The following TMEM135 variants were observed in gnomAD, a reference collection of about 807,000 sequenced individuals.
The protein encoded by TMEM135 is transmembrane protein 135.
Under a neutral mutation model 60.3 loss-of-function variants are expected in TMEM135, and 30 were observed. That is an observed-to-expected ratio of 0.50 (90% CI 0.37 to 0.68). The LOEUF is 0.68. Ranked by LOEUF, TMEM135 falls within the 30% of genes least tolerant of loss-of-function variation. TMEM135 has a pLI of 0.00. For missense variants in TMEM135, 468 were observed against 548.8 expected (o/e 0.85, Z 1.47); for synonymous variants, 190 against 186.7 (o/e 1.02, Z -0.14).
intron 5 of TMEM135, among the ~76,000 whole-genome samples, chr11:87,233,916 A>C (rs940339228): frequency 2.6e-5 from 4 of 152,106 alleles, no homozygotes; most frequent in African/African-American, 9.6e-5. Context: ...AATATTCTTC[A>C]TTATTTAACT....
chr11:87,084,200 A>G (rs984114827), intron 3 of TMEM135, among the ~76,000 whole-genome samples: 1 of 152,232 alleles, frequency 6.6e-6, no homozygotes, highest in Non-Finnish European at 1.5e-5. Flanking sequence ...GAATTTCAGC[A>G]GGATGTGTGG....
intron 7 of TMEM135, among the ~76,000 whole-genome samples, chr11:87,300,818 A>T (rs542332288): frequency 6.6e-6 from 1 of 152,220 alleles, no homozygotes; most frequent in Admixed American, 6.5e-5. Flanking sequence ...CTGGCAGTTC[A>T]TTGGGCTCTC....
intron 5 of TMEM135, among the ~76,000 whole-genome samples, chr11:87,171,159 A>G (rs993091821): frequency 1.3e-5 from 2 of 152,160 alleles, no homozygotes; most frequent in African/African-American, 4.8e-5. Context: ...GCAGAATCTA[A>G]AAGGAAAGCA....
At chr11:87,091,267 G>A (rs1031281285) in intron 3 of TMEM135, 95 bp from the exon 4 acceptor site, 20 of 1,140,936 alleles carry the variant, frequency 1.8e-5, no homozygotes, top group Non-Finnish European at 2.5e-5. Context: ...CTCAATTTCT[G>A]AGAATATAAT....
chr11:87,313,239 AG>A (rs1942670906), intron 10 of TMEM135, among the ~76,000 whole-genome samples, 185 bp from the exon 11 acceptor site: 1 of 151,900 alleles, frequency 6.6e-6, no homozygotes, highest in Admixed American at 6.6e-5. Flanking sequence ...GAGTCTATAG[AG>A]TAATAACTTT....
chr11:87,248,657 C>G (rs539564804), intron 6 of TMEM135, among the ~76,000 whole-genome samples: 2 of 151,614 alleles, frequency 1.3e-5, no homozygotes, highest in East Asian at 1.9e-4. Flanking sequence ...TGAAGACTGT[C>G]ATTGACATTT....
intron 10 of TMEM135, among the ~76,000 whole-genome samples, chr11:87,310,354 A>T (rs1942620724): frequency 6.6e-6 from 1 of 152,168 alleles, no homozygotes; most frequent in Non-Finnish European, 1.5e-5. Context: ...TGTAAATCAT[A>T]TTTTATTAAA....
intron 10 of TMEM135, among the ~76,000 whole-genome samples, chr11:87,310,816 T>C (rs889935493): frequency 6.6e-6 from 1 of 151,812 alleles, no homozygotes. Context: ...CAATCACAAA[T>C]TGCTCACTTT....
At position 87,268,164 on chromosome 11, in the gene TMEM135, C is replaced by CTTTTCTTTTCTTTTCTTTTCTTTTCT. The variant is rs1199993334; in HGVS notation, c.510-27615_510-27614insTCTTTTCTTTTCTTTTCTTTTCTTTT. 1.7e-3 allele frequency among the ~76,000 whole-genome samples: 184 copies of CTTTTCTTTTCTTTTCTTTTCTTTTCT among 110,534 alleles called. 29 individuals carry two copies. The highest frequency in any genetic ancestry group is 9.7e-3 in the Middle Eastern group (2 of 206). 72.5% of individuals were successfully genotyped at this position (110,534 alleles called of 152,430 possible). The stretch of plus-strand genomic sequence containing the variant: ...CCTCTCCTTTCCTTTATTTCCTTTC[C>CTTTTCTTTTCTTTTCTTTTCTTTTCT]TTTCCTTTCTTTTCTTTTCTTTCTT... On this transcript the variant is annotated intron_variant, in intron 6 of 14. Transcript: ENST00000305494.
At chr11:87,127,134 T>C (rs1274222626) in intron 4 of TMEM135, among the ~76,000 whole-genome samples, 1 of 152,216 alleles carries the variant, frequency 6.6e-6, no homozygotes, top group Admixed American at 6.5e-5. Context: ...CTGGTTCCTT[T>C]TGACTTAAAT....
At chr11:87,091,547 T>G (rs1857204704) in intron 4 of TMEM135, 152 bp downstream of exon 4, 3 of 752,970 alleles carry the variant, frequency 4.0e-6, no homozygotes, top group African/African-American at 3.5e-5. Context: ...CAAAAAAGCC[T>G]TGATACCATC....
intron 6 of TMEM135, among the ~76,000 whole-genome samples, chr11:87,278,625 C>T (rs1026560967): frequency 1.3e-5 from 2 of 152,082 alleles, no homozygotes; most frequent in Non-Finnish European, 2.9e-5. Flanking sequence ...CTGCCCGATT[C>T]GGTCTCCCAG....
intron 4 of TMEM135, among the ~76,000 whole-genome samples, chr11:87,108,472 G>T (rs1199373567): frequency 1.3e-5 from 2 of 151,286 alleles, no homozygotes; most frequent in African/African-American, 4.9e-5. Context: ...ACTAGCTAAG[G>T]GTTTGTCAAT....
At chr11:87,058,107 T>C (rs1949910816) in intron 1 of TMEM135, among the ~76,000 whole-genome samples, 1 of 152,180 alleles carries the variant, frequency 6.6e-6, no homozygotes, top group African/African-American at 2.4e-5. Context: ...TCTTCAGGTC[T>C]TCAACTGAGA....
intron 5 of TMEM135, among the ~76,000 whole-genome samples, chr11:87,235,932 G>A (rs1476479784): frequency 6.6e-6 from 1 of 151,780 alleles, no homozygotes; most frequent in Non-Finnish European, 1.5e-5. Context: ...AAGGAATATT[G>A]TATTTTTATG....
intron 4 of TMEM135, among the ~76,000 whole-genome samples, chr11:87,140,122 CA>C (rs1245012704): frequency 6.6e-6 from 1 of 151,994 alleles, no homozygotes; most frequent in African/African-American, 2.4e-5. Flanking sequence ...GGCTGCAGTG[CA>C]ATGGTGTGAT....
At position 87,166,735 on chromosome 11, in the gene TMEM135, G is replaced by T. The variant is rs976291952; in HGVS notation, c.462+9329G>T. Among the ~76,000 whole-genome samples, 3 of 143,338 alleles carry T rather than the reference G, an allele frequency of 2.1e-5. 1 individual carries two copies. Among genetic ancestry groups the T allele is most frequent in the African/African-American group, 8.0e-5 (3 of 37,658 alleles). The allele number at this position is 143,338 out of a possible 152,430, so 94.0% of individuals were successfully genotyped here. A position where few individuals can be genotyped will look rare whatever the true frequency, so the allele number is the denominator to read the frequency against. ...TTGTAGTATAGTTTGAAGTAAGGTA[G>T]TGTGATGCCTCCAGTTTTGTTCTTT... On this transcript the variant is annotated intron_variant, in intron 5 of 14. Coordinates refer to ENST00000305494, the MANE Select transcript of TMEM135 (RefSeq NM_022918.4).
At chr11:87,307,974 A>G (rs371045649) in intron 9 of TMEM135, among the ~76,000 whole-genome samples, 6 of 152,320 alleles carry the variant, frequency 3.9e-5, no homozygotes, top group South Asian at 2.1e-4. Context: ...TTTTGGGTCT[A>G]TTTAAATGTC....
intron 2 of TMEM135, 138 bp downstream of exon 2, chr11:87,067,959 AATGAAAG>A: frequency 9.3e-7 from 1 of 1,079,426 alleles, no homozygotes; most frequent in Non-Finnish European, 1.3e-6. Context: ...CATTTATGTC[AATGAAAG>A]CTTGTAAAAC....
Sources: gnomAD v4.1 joint callset for allele counts (sites outside exome capture counted in the v4.1 genomes callset) on GRCh38, gnomAD v4.1.1 for gene constraint, MANE v1.5 for transcripts, NCBI Gene and HGNC (gene_info 2026-07-23, HGNC 2026-07-21) for gene names.